RASSF3: variants seen among roughly 807,000 people sequenced by gnomAD.
RASSF3 encodes Ras association domain family member 3.
RASSF3 carries 19 observed loss-of-function variants against 19.9 expected under a neutral mutation model. That is an observed-to-expected ratio of 0.96 (90% CI 0.67 to 1.40). The LOEUF (loss-of-function observed/expected upper bound fraction) is 1.40. Among genes scored for constraint, RASSF3 ranks in the 40% most tolerant of loss-of-function variants. RASSF3 has a pLI of 0.00. For missense variants in RASSF3, 306 were observed against 289.8 expected (o/e 1.06, Z -0.41); for synonymous variants, 110 against 104.2 (o/e 1.06, Z -0.34).
chr12:64,684,431 G>GTT (rs146721078), intron 1 of RASSF3, among the ~76,000 whole-genome samples: 47,460 of 119,198 alleles, frequency 0.4, 9,717 homozygotes, highest in Non-Finnish European at 0.47. Flanking sequence ...TTGTTTGTTT[G>GTT]TTTGTTTTTT....
chr12:64,521,978 A>G (rs548509222), intron 1 of RASSF3, among the ~76,000 whole-genome samples: 205 of 152,330 alleles, frequency 1.3e-3, no homozygotes, highest in African/African-American at 4.8e-3. Context: ...ATTCATCTCA[A>G]TTGGAGAAGG....
intron 1 of RASSF3, among the ~76,000 whole-genome samples, chr12:64,633,449 T>A: frequency 6.6e-6 from 1 of 152,128 alleles, no homozygotes; most frequent in East Asian, 1.9e-4. Flanking sequence ...GCCTGGCACC[T>A]CCTCCTCTCT....
intron 1 of RASSF3, among the ~76,000 whole-genome samples, chr12:64,526,840 C>G (rs1381411868): frequency 6.6e-6 from 1 of 152,248 alleles, no homozygotes; most frequent in East Asian, 1.9e-4. Context: ...GCCACTGCAC[C>G]TGGCCCTGAG....
chr12:64,538,135 C>T (rs180834179), intron 1 of RASSF3, among the ~76,000 whole-genome samples: 17 of 152,136 alleles, frequency 1.1e-4, no homozygotes, highest in African/African-American at 3.6e-4. Context: ...ACTACAGGTG[C>T]GTGACCTCAT....
chr12:64,508,062 G>T (rs903575732), intron 1 of RASSF3, among the ~76,000 whole-genome samples: 1 of 152,112 alleles, frequency 6.6e-6, no homozygotes, highest in Non-Finnish European at 1.5e-5. Context: ...GTTTCATCTT[G>T]CAACTGAATC....
At chr12:64,678,907 G>C (rs552524276) in intron 1 of RASSF3, among the ~76,000 whole-genome samples, 1 of 152,284 alleles carries the variant, frequency 6.6e-6, no homozygotes, top group South Asian at 2.1e-4. Context: ...GCCCAGAGAG[G>C]TTAAGTAACT....
exon 1 of RASSF3, chr12:64,507,313 C>T (rs1487611447): frequency 5.0e-6 from 2 of 398,642 alleles, no homozygotes; most frequent in Non-Finnish European, 8.8e-6. Context: ...CCAAGCTGCT[C>T]TGGAGCCAAG....
chr12:64,629,475 T>C (rs980181345), intron 1 of RASSF3, among the ~76,000 whole-genome samples: 2 of 152,188 alleles, frequency 1.3e-5, no homozygotes, highest in Admixed American at 6.6e-5. Flanking sequence ...TGATATGTTA[T>C]GAAAATCATA....
At chr12:64,673,473 G>A (rs1399930796) in intron 1 of RASSF3, among the ~76,000 whole-genome samples, 1 of 152,184 alleles carries the variant, frequency 6.6e-6, no homozygotes, top group Non-Finnish European at 1.5e-5. Flanking sequence ...CCGTAGTCCA[G>A]TGGCCTCTTT....
chr12:64,646,889 T>G (rs992169348), intron 1 of RASSF3, among the ~76,000 whole-genome samples: 4 of 152,206 alleles, frequency 2.6e-5, no homozygotes, highest in African/African-American at 9.7e-5. Context: ...AAGTGATTTG[T>G]ATTCCTTAGT....
intron 1 of RASSF3, among the ~76,000 whole-genome samples, chr12:64,508,039 C>T (rs918468410): frequency 1.3e-5 from 2 of 152,220 alleles, no homozygotes; most frequent in Admixed American, 6.5e-5. Flanking sequence ...AGCCAATTCT[C>T]TCACTTCATA....
chr12:64,561,987 G>GTATTTATTTATTTATT (rs71092982), intron 2 of RASSF3, among the ~76,000 whole-genome samples: 26 of 135,440 alleles, frequency 1.9e-4, no homozygotes, highest in African/African-American at 3.2e-4. Context: ...ATGGCCCATA[G>GTATTTATTTATTTATT]TATTTATTTA....
At chr12:64,564,787 GT>G (rs774281239) in intron 2 of RASSF3, among the ~76,000 whole-genome samples, 31 of 80,052 alleles carry the variant, frequency 3.9e-4, no homozygotes, top group Non-Finnish European at 2.1e-4. Context: ...TTTGTTTTTT[GT>G]TTTTTTTTTT....
chr12:64,666,303 G>T (rs572725533), intron 1 of RASSF3, among the ~76,000 whole-genome samples: 2 of 152,250 alleles, frequency 1.3e-5, no homozygotes, highest in South Asian at 2.1e-4. Flanking sequence ...AAAGAAATTA[G>T]GCATGAAGAA....
chr12:64,591,831 C>T (rs1869928811), intron 2 of RASSF3, among the ~76,000 whole-genome samples: 1 of 151,904 alleles, frequency 6.6e-6, no homozygotes. Context: ...ATCAGTTGTG[C>T]TTCCATTATG....
intron 1 of RASSF3, among the ~76,000 whole-genome samples, chr12:64,624,191 A>G (rs1870902653): frequency 6.6e-6 from 1 of 151,934 alleles, no homozygotes; most frequent in African/African-American, 2.4e-5. Context: ...CAACAAATCC[A>G]CTTACAATCC....
chr12:64,596,154 C>T (rs1040047562), intron 2 of RASSF3, among the ~76,000 whole-genome samples: 6 of 152,164 alleles, frequency 3.9e-5, no homozygotes, highest in African/African-American at 1.4e-4. Flanking sequence ...CCTTTTTGTC[C>T]AATTATATTT....
At chr12:64,618,517 C>T (rs1220598036) in intron 1 of RASSF3, among the ~76,000 whole-genome samples, 5 of 151,912 alleles carry the variant, frequency 3.3e-5, no homozygotes, top group Admixed American at 2.0e-4. Context: ...AAAGTAGAGA[C>T]GGGGTTATAC....
At chr12:64,518,733 AC>A (rs1868410868) in intron 1 of RASSF3, among the ~76,000 whole-genome samples, 1 of 152,236 alleles carries the variant, frequency 6.6e-6, no homozygotes, top group Admixed American at 6.5e-5. Flanking sequence ...TTCTGCAGTT[AC>A]AAAAAAATGT....
Sources: allele counts gnomAD v4.1 joint callset (sites outside exome capture counted in the v4.1 genomes callset), GRCh38; gene constraint gnomAD v4.1.1; transcripts MANE v1.5; gene names NCBI Gene and HGNC (gene_info 2026-07-23, HGNC 2026-07-21).